DYRK1A: variants seen among roughly 807,000 people sequenced by gnomAD.
DYRK1A encodes dual specificity tyrosine-phosphorylation-regulated kinase 1A.
Under a neutral mutation model 79.7 loss-of-function variants are expected in DYRK1A, and 9 were observed. The ratio of observed to expected loss-of-function variants is 0.11; its 90% confidence interval spans 0.07 to 0.20. The LOEUF is 0.20. Among genes scored for constraint, DYRK1A ranks in the 10% least tolerant of loss-of-function variants. The pLI, the probability that DYRK1A is intolerant of heterozygous loss-of-function variation, is 1.00. For missense variants in DYRK1A, 622 were observed against 956.0 expected (o/e 0.65, Z 4.61); for synonymous variants, 349 against 329.7 (o/e 1.06, Z -0.63).
At chr21:37,378,336 G>C (rs1028654148) in intron 1 of DYRK1A, among the ~76,000 whole-genome samples, 1 of 152,138 alleles carries the variant, frequency 6.6e-6, no homozygotes, top group Admixed American at 6.5e-5. Context: ...AGTTTGAGAC[G>C]ACCCTGACCG....
At chr21:37,384,586 C>T (rs1569282401) in intron 1 of DYRK1A, among the ~76,000 whole-genome samples, 1 of 152,138 alleles carries the variant, frequency 6.6e-6, no homozygotes, top group African/African-American at 2.4e-5. Context: ...AGGAATATAA[C>T]AGATCCCAAT....
chr21:37,484,427 C>T (rs2052777399), intron 5 of DYRK1A, among the ~76,000 whole-genome samples: 1 of 149,824 alleles, frequency 6.7e-6, no homozygotes, highest in South Asian at 2.1e-4. Context: ...CTTCTGGGTT[C>T]AGGTGATTCT....
chr21:37,447,924 TTC>T (rs2051324699), intron 2 of DYRK1A, among the ~76,000 whole-genome samples: 1 of 152,134 alleles, frequency 6.6e-6, no homozygotes, highest in Non-Finnish European at 1.5e-5. Context: ...TATATTAAAA[TTC>T]GGAATTAACA....
rs1326301358 is a variant in DYRK1A, at chr21:37,420,313, C to T, written c.-62C>T. The T allele has an allele frequency of 6.8e-5, 104 of 1,522,668 alleles. No homozygotes were observed. In the East Asian group the frequency reaches 1.3e-3, roughly 19 times the overall value. The allele number at this position is 1,522,668 out of a possible 1,614,324, so 94.3% of individuals were successfully genotyped here. A position where few individuals can be genotyped will look rare whatever the true frequency, so the allele number is the denominator to read the frequency against. The stretch of plus-strand genomic sequence containing the variant: ...TCTTCACACAGTGTTATAGTTTTGC[C>T]GCTGGACTCTTCCCTCCCTTCCCCC... On this transcript the variant is annotated 5_prime_UTR_variant, in exon 2 of 12. Coordinates refer to ENST00000647188, the MANE Select transcript of DYRK1A (RefSeq NM_001347721.2).
At chr21:37,411,223 G>T (rs2050238239) in intron 1 of DYRK1A, among the ~76,000 whole-genome samples, 1 of 151,948 alleles carries the variant, frequency 6.6e-6, no homozygotes, top group Non-Finnish European at 1.5e-5. Context: ...AGGCGTGATG[G>T]TGTGTGCATA....
intron 11 of DYRK1A, among the ~76,000 whole-genome samples, chr21:37,508,804 A>G (rs542116374): frequency 6.6e-6 from 1 of 152,214 alleles, no homozygotes; most frequent in South Asian, 2.1e-4. Context: ...TCAGCCTGGA[A>G]CACTCTTTTC....
chr21:37,424,396 TAAGGAAAC>T (rs1480760819), intron 2 of DYRK1A, among the ~76,000 whole-genome samples: 6 of 152,212 alleles, frequency 3.9e-5, no homozygotes, highest in African/African-American at 1.4e-4. Flanking sequence ...TAGATAAGTA[TAAGGAAAC>T]ATATCCCAAG....
intron 1 of DYRK1A, among the ~76,000 whole-genome samples, chr21:37,416,290 A>G (rs946847210): frequency 3.3e-5 from 4 of 120,838 alleles, no homozygotes; most frequent in African/African-American, 1.2e-4. Flanking sequence ...GCAATATTAT[A>G]TTCTTTATAA....
chr21:37,495,894 C>T (rs531115911), intron 8 of DYRK1A, among the ~76,000 whole-genome samples: 3 of 152,240 alleles, frequency 2.0e-5, no homozygotes, highest in South Asian at 2.1e-4. Context: ...TCCATGGCTA[C>T]CTGACATAAT....
intron 1 of DYRK1A, among the ~76,000 whole-genome samples, chr21:37,385,267 C>T (rs148727600): frequency 6.6e-6 from 1 of 152,144 alleles, no homozygotes; most frequent in Non-Finnish European, 1.5e-5. Flanking sequence ...GGTCAGATGT[C>T]TGAGCACAGT....
intron 2 of DYRK1A, among the ~76,000 whole-genome samples, chr21:37,447,757 TAGC>T (rs1175693270): frequency 6.6e-6 from 1 of 152,120 alleles, no homozygotes; most frequent in Non-Finnish European, 1.5e-5. Context: ...GGGTGGAACT[TAGC>T]AGTGGAGTGG....
rs961900616 is a variant in DYRK1A at position 37,486,753 on chromosome 21, A to T, written c.637+139A>T. The T allele has an allele frequency of 9.7e-6, 8 of 823,684 alleles. No homozygotes were observed. In the Admixed American group the frequency reaches 2.9e-4, roughly 30 times the overall value. The allele number at this position is 823,684 out of a possible 1,614,324, so 51.0% of individuals were successfully genotyped here. A position where few individuals can be genotyped will look rare whatever the true frequency, so the allele number is the denominator to read the frequency against. On this transcript the variant is annotated intron_variant, in intron 6 of 11. Transcript: ENST00000647188. Reference sequence around the variant, plus strand: ...TTGTTTATTTCTGTTGGACAGCAAGATTTATATAAGTGACTTGATCTGGTA... The same window carrying T: ...TTGTTTATTTCTGTTGGACAGCAAGTTTTATATAAGTGACTTGATCTGGTA...
chr21:37,392,719 A>G (rs1485437624), intron 1 of DYRK1A, among the ~76,000 whole-genome samples: 1 of 152,230 alleles, frequency 6.6e-6, no homozygotes, highest in African/African-American at 2.4e-5. Context: ...GAACACCAGT[A>G]TTCAGACTGG....
intron 1 of DYRK1A, among the ~76,000 whole-genome samples, chr21:37,391,390 C>G (rs1346148729): frequency 6.6e-6 from 1 of 152,184 alleles, no homozygotes; most frequent in African/African-American, 2.4e-5. Context: ...CATCTTCTAT[C>G]CATTGTCTAA....
rs549900748 is a variant in DYRK1A, at chr21:37,414,153, T to C, written c.-76-6146T>C. On this transcript the variant is annotated intron_variant, in intron 1 of 11. Coordinates refer to ENST00000647188, the MANE Select transcript of DYRK1A (RefSeq NM_001347721.2). ...GAATTTTATTAGGTTGGTGCAAAGG[T>C]AATACAGTTTTTGCCCTTGGGAGAT... 3.3e-5 allele frequency among the ~76,000 whole-genome samples: 5 copies of C among 152,218 alleles called. No individual in the cohort carries two copies. In the South Asian group the frequency reaches 1.0e-3, roughly 32 times the overall value.
In DYRK1A at chr21:37,514,820, A is replaced by T. The variant is rs974134994; in HGVS notation, c.*2289A>T. ...CTGTTTAGGAATATAAGGTTAAGAT[A>T]TCATATGGGTCAGGTCATTTTTTTT... On this transcript the variant is annotated 3_prime_UTR_variant, in exon 12 of 12. Transcript: ENST00000647188. The T allele has an allele frequency of 2.6e-5, 4 of 152,610 alleles. No individual in the cohort carries two copies. Among genetic ancestry groups the T allele is most frequent in the Non-Finnish European group, 5.9e-5 (4 of 68,044 alleles). The allele number at this position is 152,610 out of a possible 1,614,324, so 9.5% of individuals were successfully genotyped here.
rs2053841310 is a variant in DYRK1A, at chr21:37,514,363, G to T, written c.*1832G>T. ...TTTTGGGGTGTGACACTTTTGAGCG[G>T]TTGAATTGGGAGAATGAAGATAAGT... On this transcript the variant is annotated 3_prime_UTR_variant, in exon 12 of 12. Transcript: ENST00000647188. 6.6e-6 allele frequency: 1 copy of T among 152,630 alleles called. No homozygotes were observed. Among genetic ancestry groups the T allele is most frequent in the African/African-American group, 2.4e-5 (1 of 41,436 alleles). The allele number at this position is 152,630 out of a possible 1,614,324, so 9.5% of individuals were successfully genotyped here.
Position 37,523,885 on chromosome 21 carries a change from T to G in DYRK1A, c.*11354T>G, listed in dbSNP as rs1375099781. 6.6e-6 allele frequency: 1 copy of G among 152,240 alleles called. No homozygotes were observed. Among genetic ancestry groups the G allele is most frequent in the Non-Finnish European group, 1.5e-5 (1 of 68,040 alleles). 9.4% of individuals were successfully genotyped at this position (152,240 alleles called of 1,614,324 possible). ...TTGAGTAGTTGCTGCAGAGACCGTA[T>G]GATGAGAATATGTGGCATTCTCATC... is the stretch of plus-strand genomic sequence containing the variant. On this transcript the variant is annotated 3_prime_UTR_variant, in exon 12 of 12. Coordinates refer to ENST00000647188, the MANE Select transcript of DYRK1A (RefSeq NM_001347721.2).
intron 9 of DYRK1A, among the ~76,000 whole-genome samples, chr21:37,498,436 G>A: frequency 6.6e-6 from 1 of 152,074 alleles, no homozygotes; most frequent in Non-Finnish European, 1.5e-5. Context: ...AGTATAATTG[G>A]AGCCTTATAG....
Sources: gnomAD v4.1 joint callset for allele counts (sites outside exome capture counted in the v4.1 genomes callset) on GRCh38, gnomAD v4.1.1 for gene constraint, MANE v1.5 for transcripts, NCBI Gene and HGNC (gene_info 2026-07-23, HGNC 2026-07-21) for gene names.